Variants in TSEN15 observed in about 807,000 individuals in gnomAD.
TSEN15 encodes the protein tRNA splicing endonuclease subunit 15.
TSEN15 carries 10 observed loss-of-function variants against 20.5 expected under a neutral mutation model. That is an observed-to-expected ratio of 0.49 (90% confidence interval 0.30 to 0.83). The LOEUF (loss-of-function observed/expected upper bound fraction) is 0.83, where lower values mean the gene tolerates loss of function less well. Among genes scored for constraint, TSEN15 ranks in the 40% least tolerant of loss-of-function variants. The pLI is 0.06. For missense variants in TSEN15, 180 were observed against 218.6 expected (o/e 0.82, Z 1.11); for synonymous variants, 72 against 80.1 (o/e 0.90, Z 0.54).
intron 3 of TSEN15, among the ~76,000 whole-genome samples, chr1:184,059,883 T>G (rs1367343795): frequency 6.6e-6 from 1 of 152,236 alleles, no homozygotes; most frequent in Non-Finnish European, 1.5e-5. Context: ...TCCCTTCATC[T>G]CTACTGGTTA....
chr1:184,081,350 G>A (rs770438618), intron 3 of TSEN15, among the ~76,000 whole-genome samples: 8 of 152,186 alleles, frequency 5.3e-5, no homozygotes, highest in Admixed American at 1.3e-4. Context: ...GGAAATCAGA[G>A]TGACAGGGCC....
chr1:184,065,755 T>C (rs1650631863), intron 3 of TSEN15, among the ~76,000 whole-genome samples: 1 of 152,232 alleles, frequency 6.6e-6, no homozygotes, highest in African/African-American at 2.4e-5. Context: ...TGATGACATA[T>C]GATGTTGAGC....
Position 184,072,848 on chromosome 1 carries a change from C to CA in TSEN15, c.*2dup. 1 of 1,605,164 alleles carries CA rather than the reference C, an allele frequency of 6.2e-7. No homozygotes were observed. ...CCAGAATATTTCTCTTAGAAGATGA[C>CA]ATCCATGTTTCCTGATGCTTGTTTT... On this transcript the variant is annotated 3_prime_UTR_variant, in exon 5 of 5. Transcript: ENST00000645668.
downstream of TSEN15, among the ~76,000 whole-genome samples, chr1:184,074,450 C>T (rs1054558301): frequency 6.6e-6 from 1 of 152,258 alleles, no homozygotes; most frequent in African/African-American, 2.4e-5. Flanking sequence ...TAGTAGCCTT[C>T]AATTTCTTGA....
chr1:184,054,636 A>G (rs1292689607), intron 2 of TSEN15, 92 bp from the exon 3 acceptor site: 7 of 1,421,472 alleles, frequency 4.9e-6, no homozygotes, highest in Non-Finnish European at 6.7e-6. Flanking sequence ...GTTACGAGTG[A>G]TATTTGCTCA....
intron 1 of TSEN15, 146 bp from the exon 2 acceptor site, chr1:184,054,206 CAG>C (rs1650157474): frequency 1.9e-6 from 1 of 513,878 alleles, no homozygotes; most frequent in South Asian, 3.5e-5. Context: ...TCTTTAGAGA[CAG>C]AGATAAGATC....
chr1:184,091,356 A>G (rs1043912651), intron 3 of TSEN15, among the ~76,000 whole-genome samples: 12 of 152,072 alleles, frequency 7.9e-5, no homozygotes, highest in Non-Finnish European at 1.6e-4. Context: ...TACAGTATAT[A>G]TAGTCACCAA....
intron 3 of TSEN15, among the ~76,000 whole-genome samples, chr1:184,070,443 G>A (rs1650840030): frequency 6.6e-6 from 1 of 151,972 alleles, no homozygotes; most frequent in Admixed American, 6.6e-5. Flanking sequence ...TGGGTTTTAT[G>A]TATATTGCAT....
rs766958293 is a variant in TSEN15 at position 184,072,863 on chromosome 1, A to G, written c.*16A>G. 4 of 1,602,510 alleles carry G rather than the reference A, an allele frequency of 2.5e-6. No individual in the cohort carries two copies. The highest frequency in any genetic ancestry group is 3.5e-5 in the Admixed American group (2 of 57,668). On this transcript the variant is annotated 3_prime_UTR_variant, in exon 5 of 5. Coordinates refer to ENST00000645668, the MANE Select transcript of TSEN15 (RefSeq NM_052965.4). Reference sequence around the variant, plus strand: ...TAGAAGATGACATCCATGTTTCCTGATGCTTGTTTTATTCATACAAGATTG... The same window carrying G: ...TAGAAGATGACATCCATGTTTCCTGGTGCTTGTTTTATTCATACAAGATTG...
intron 3 of TSEN15, among the ~76,000 whole-genome samples, chr1:184,080,130 A>C (rs1015454224): frequency 8.5e-5 from 13 of 152,214 alleles, no homozygotes; most frequent in Non-Finnish European, 1.9e-4. Flanking sequence ...TCTCCCTTGA[A>C]AGGAGAAAAT....
chr1:184,060,713 A>G (rs1387890635), intron 3 of TSEN15, among the ~76,000 whole-genome samples: 1 of 152,248 alleles, frequency 6.6e-6, no homozygotes, highest in South Asian at 2.1e-4. Flanking sequence ...GGTTAAAAGT[A>G]TATTTTCATT....
chr1:184,081,267 T>A (rs1392781647), intron 3 of TSEN15, among the ~76,000 whole-genome samples: 2 of 152,180 alleles, frequency 1.3e-5, no homozygotes, highest in East Asian at 3.9e-4. Flanking sequence ...GCGAGTTCAT[T>A]TAACAAGTGT....
Position 184,072,157 on chromosome 1 carries a change from G to A in TSEN15, c.354G>A (p.Arg118=). 3 of 1,613,188 alleles carry A rather than the reference G, an allele frequency of 1.9e-6. No individual in the cohort carries two copies. The highest frequency in any genetic ancestry group is 2.5e-6 in the Non-Finnish European group (3 of 1,179,526). ...AAGTATATTGTGACTTTATTTTCAG[G>A]ATAAGGGAGATCTTGAAGGCATCTC... is the stretch of plus-strand genomic sequence containing the variant. ...TPITASLSHN[R]IREILKASRK... is the part of the protein sequence containing the mutation. The change falls in exon 4 of 5, where the codon AGG becomes AGA. Residue 118 remains arginine (R), a splice_region_variant and synonymous_variant. Transcript: ENST00000645668.
intron 3 of TSEN15, among the ~76,000 whole-genome samples, chr1:184,058,921 C>T (rs1163707788): frequency 6.6e-6 from 1 of 151,600 alleles, no homozygotes. Flanking sequence ...TATTGAGTGA[C>T]TCTTATGTGT....
intron 2 of TSEN15, 63 bp downstream of exon 2, chr1:184,054,498 T>C (rs1650171614): frequency 7.5e-7 from 1 of 1,327,276 alleles, no homozygotes; most frequent in Non-Finnish European, 1.1e-6. Flanking sequence ...GGGGTTGGAT[T>C]GGGATATAGC....
chr1:184,072,616 T>C (rs1289025682), intron 4 of TSEN15: 6 of 594,896 alleles, frequency 1.0e-5, no homozygotes, highest in Non-Finnish European at 1.7e-5. Flanking sequence ...AGGCTAATAA[T>C]AGTTGTAAGT....
chr1:184,081,793 G>A (rs2102901295), intron 3 of TSEN15, among the ~76,000 whole-genome samples: 1 of 152,196 alleles, frequency 6.6e-6, no homozygotes, highest in East Asian at 1.9e-4. Flanking sequence ...CCACCTAGAG[G>A]ACTTTTTCCC....
At chr1:184,095,313 ATTG>A (rs1557892806) in intron 3 of TSEN15, 1 of 391,938 alleles carries the variant, frequency 2.6e-6, no homozygotes, top group Non-Finnish European at 4.5e-6. Flanking sequence ...CTAACAACTT[ATTG>A]TTGGTGGTGA....
chr1:184,086,822 C>A (rs1651269997), intron 3 of TSEN15, among the ~76,000 whole-genome samples: 1 of 152,200 alleles, frequency 6.6e-6, no homozygotes, highest in South Asian at 2.1e-4. Context: ...TCCTGGAGCA[C>A]ACACACTGAT....
Sources: gnomAD v4.1 joint callset for allele counts (sites outside exome capture counted in the v4.1 genomes callset) on GRCh38, gnomAD v4.1.1 for gene constraint, MANE v1.5 for transcripts, NCBI Gene and HGNC (gene_info 2026-07-23, HGNC 2026-07-21) for gene names.